The following PCDHA6 variants were observed in gnomAD, a reference collection of about 807,000 sequenced individuals.
PCDHA6 encodes the protein protocadherin alpha-6.
A neutral mutation model predicts 60.3 loss-of-function variants in PCDHA6; 55 were observed. The observed-to-expected ratio is 0.91, with a 90% confidence interval of 0.73 to 1.14. The LOEUF (loss-of-function observed/expected upper bound fraction) is 1.14, where lower values mean the gene tolerates loss of function less well. Ranked by LOEUF, PCDHA6 falls within the 50% of genes most tolerant of loss-of-function variation. PCDHA6 has a pLI of 0.00. For missense variants in PCDHA6, 1,327 were observed against 1,256.5 expected, an observed-to-expected ratio of 1.06 and a Z score of -0.85; for synonymous variants, 652 against 557.9, an observed-to-expected ratio of 1.17 and a Z score of -2.38.
intron 3 of PCDHA6, 100 bp from the exon 4 acceptor site, chr5:141,009,527 G>A: frequency 6.6e-7 from 1 of 1,507,930 alleles, no homozygotes; most frequent in South Asian, 1.4e-5. Context: ...TTTCTGGGGA[G>A]GTTCAGCCTG....
Position 140,836,245 on chromosome 5 carries a change from C to G in PCDHA6, c.2394+5760C>G, listed in dbSNP as rs199869403. ...CCGGTGGCGGCCGGTGCGAGCATCCCGTTCCGCGTGGGGCTGTACACTGGT... is the reference window on the plus strand; with the variant it reads ...CCGGTGGCGGCCGGTGCGAGCATCCGGTTCCGCGTGGGGCTGTACACTGGT... On this transcript the variant is annotated intron_variant, in intron 1 of 3. Coordinates refer to ENST00000529310, the MANE Select transcript of PCDHA6 (RefSeq NM_018909.4). 11 of 1,613,768 alleles carry G rather than the reference C, an allele frequency of 6.8e-6. No individual in the cohort carries two copies. The Admixed American group carries it at 1.0e-4, about 15-fold the overall frequency.
At chr5:140,834,577 G>C (rs1554134334) in intron 1 of PCDHA6, 2 of 1,614,058 alleles carry the variant, frequency 1.2e-6, no homozygotes, top group Non-Finnish European at 1.7e-6. Context: ...CGCCTGTTCC[G>C]GGCGGTGTGC....
At chr5:140,883,627 G>A (rs781902332) in intron 1 of PCDHA6, 34 of 1,613,816 alleles carry the variant, frequency 2.1e-5, no homozygotes, top group Non-Finnish European at 2.7e-5. Context: ...ACAACGCGCC[G>A]GCGTTCGCGC....
At chr5:140,870,822 A>G in intron 1 of PCDHA6, 3 of 1,613,698 alleles carry the variant, frequency 1.9e-6, no homozygotes, top group Non-Finnish European at 2.5e-6. Context: ...GCAGCGCGGG[A>G]GGCGCAGTTA....
chr5:140,853,510 A>T, intron 1 of PCDHA6: 1 of 977,306 alleles, frequency 1.0e-6, no homozygotes, highest in Non-Finnish European at 1.2e-6. Context: ...TGAAACAATA[A>T]TGAAGCTCCT....
At chr5:140,876,395 T>G in intron 1 of PCDHA6, 1 of 1,613,920 alleles carries the variant, frequency 6.2e-7, no homozygotes, top group Non-Finnish European at 8.5e-7. Flanking sequence ...TATGGTGAAC[T>G]GGATTTTGAA....
At chr5:140,995,577 A>G (rs892793952) in intron 3 of PCDHA6, among the ~76,000 whole-genome samples, 7 of 152,242 alleles carry the variant, frequency 4.6e-5, no homozygotes, top group Non-Finnish European at 1.0e-4. Flanking sequence ...AAGATGAGCT[A>G]TGAGCTTTTA....
chr5:140,829,891 C>A lies in PCDHA6; in HGVS notation c.1800C>A (p.Asp600Glu), dbSNP rs1554132360. The A allele has an allele frequency of 6.2e-7, 1 of 1,613,952 alleles. No homozygotes were observed. Among genetic ancestry groups the A allele is most frequent in the Non-Finnish European group, 8.5e-7 (1 of 1,179,892 alleles). The change falls in exon 1 of 4, where the codon GAC (aspartate) becomes GAA (glutamate). Residue 600 changes from aspartate (D) to glutamate (E), a missense_variant. By Grantham distance (45) the Asp-to-Glu change is conservative (BLOSUM62 2). Transcript: ENST00000529310. ...CGAAGGTGCGCGCAGTTGACGCCGACTCAGGCTACAACGCGTGGCTTTCGT... is the reference window on the plus strand; with the variant it reads ...CGAAGGTGCGCGCAGTTGACGCCGAATCAGGCTACAACGCGTGGCTTTCGT... ...VVAKVRAVDA[D>E]SGYNAWLSYE...
chr5:140,953,961 G>C lies in PCDHA6; in HGVS notation c.2395-24988G>C, dbSNP rs140078691. ...CCCATTGCTCCCCCAACAGGCCCCA[G>C]TGTGTGTTGTTCCCCTTCATATTTT... On this transcript the variant is annotated intron_variant, in intron 1 of 3. Coordinates refer to ENST00000529310, the MANE Select transcript of PCDHA6 (RefSeq NM_018909.4). 1.0e-3 allele frequency among the ~76,000 whole-genome samples: 152 copies of C among 152,128 alleles called. 3 individuals are homozygous for C. In the East Asian group the frequency reaches 0.026, roughly 26 times the overall value.
At chr5:140,851,776 A>G (rs2042157879) in intron 1 of PCDHA6, 1 of 964,146 alleles carries the variant, frequency 1.0e-6, no homozygotes, top group South Asian at 4.8e-5. Flanking sequence ...TTATGAATTT[A>G]GATGAGAATT....
At chr5:140,851,790 T>A in intron 1 of PCDHA6, 1 of 955,904 alleles carries the variant, frequency 1.0e-6, no homozygotes, top group Non-Finnish European at 1.3e-6. Context: ...GAGAATTCAC[T>A]TGTTCTGTCA....
intron 1 of PCDHA6, chr5:140,835,910 A>C (rs2150248144): frequency 1.2e-6 from 2 of 1,612,256 alleles, no homozygotes; most frequent in Non-Finnish European, 1.7e-6. Context: ...GCTACGTGTC[A>C]GTGCACGCGG....
chr5:140,941,285 T>C (rs1563188656), intron 1 of PCDHA6, among the ~76,000 whole-genome samples: 1 of 119,964 alleles, frequency 8.3e-6, no homozygotes, highest in African/African-American at 2.9e-5. Flanking sequence ...TTCCTTCCTT[T>C]CTCTTTCTTT....
chr5:141,005,133 T>C (rs559773723), intron 3 of PCDHA6, among the ~76,000 whole-genome samples: 3 of 152,328 alleles, frequency 2.0e-5, no homozygotes, highest in Admixed American at 6.5e-5. Context: ...AAGTGCCTCA[T>C]TGGAGAGTTG....
In PCDHA6 at chr5:140,937,196, C is replaced by G. The variant is rs915023517; in HGVS notation, c.2395-41753C>G. On this transcript the variant is annotated intron_variant, in intron 1 of 3. Transcript: ENST00000529310. ...GGGACTACAGGCGCCCGCCACCATG[C>G]CCGGCTAATTTTTTGTATTTTTTGT... Among the ~76,000 whole-genome samples, 5 of 152,108 alleles carry G rather than the reference C, an allele frequency of 3.3e-5. No homozygotes were observed. In the East Asian group the frequency reaches 7.8e-4, roughly 24 times the overall value.
intron 1 of PCDHA6, among the ~76,000 whole-genome samples, chr5:140,909,547 C>T (rs2074573960): frequency 1.3e-5 from 2 of 152,278 alleles, no homozygotes; most frequent in Non-Finnish European, 2.9e-5. Context: ...GATGGTGGCA[C>T]TAATCTCTGC....
At chr5:140,978,798 G>T (rs1249216156) in intron 1 of PCDHA6, 151 bp from the exon 2 acceptor site, 2 of 1,477,414 alleles carry the variant, frequency 1.4e-6, no homozygotes, top group Admixed American at 2.3e-5. Context: ...TATATATGTA[G>T]ATATCATCAT....
At position 140,855,852 on chromosome 5, in the gene PCDHA6, G is replaced by A. The variant is rs1233260488; in HGVS notation, c.2394+25367G>A. 21 of 674,672 alleles carry A rather than the reference G, an allele frequency of 3.1e-5. 2 individuals carry two copies. The highest frequency in any genetic ancestry group is 4.6e-5 in the Non-Finnish European group (19 of 409,080). 41.8% of individuals were successfully genotyped at this position (674,672 alleles called of 1,614,324 possible). On this transcript the variant is annotated intron_variant, in intron 1 of 3. Coordinates refer to ENST00000529310, the MANE Select transcript of PCDHA6 (RefSeq NM_018909.4). The stretch of plus-strand genomic sequence containing the variant: ...ATCGTACTTACACCTAAAGCCACCG[G>A]ATGTCGCTGTCGTCCACAAAATAGC...
chr5:140,868,748 T>C (rs991826043), intron 1 of PCDHA6: 2 of 213,606 alleles, frequency 9.4e-6, no homozygotes, highest in Non-Finnish European at 1.9e-5. Context: ...ACAATGCCAT[T>C]TCCATATATA....
Sources: allele counts gnomAD v4.1 joint callset (sites outside exome capture counted in the v4.1 genomes callset), GRCh38; gene constraint gnomAD v4.1.1; transcripts MANE v1.5; gene names NCBI Gene and HGNC (gene_info 2026-07-23, HGNC 2026-07-21).